ZNF705A: variants seen among roughly 807,000 people sequenced by gnomAD.
ZNF705A encodes the protein zinc finger protein 705A.
A neutral mutation model predicts 16.6 loss-of-function variants in ZNF705A; 8 were observed. That is an observed-to-expected ratio of 0.48 (90% CI 0.28 to 0.87). The LOEUF (loss-of-function observed/expected upper bound fraction) is 0.87. ZNF705A is among the 40% of genes least tolerant of loss of function. The pLI, the probability that ZNF705A is intolerant of heterozygous loss-of-function variation, is 0.10. For missense variants in ZNF705A, 233 were observed against 359.9 expected (o/e 0.65, Z 2.85); for synonymous variants, 73 against 117.3 (o/e 0.62, Z 2.44).
chr12:8,171,584 A>T (rs755048548), upstream of ZNF705A, among the ~76,000 whole-genome samples: 2 of 152,258 alleles, frequency 1.3e-5, no homozygotes, highest in East Asian at 3.9e-4. Context: ...TGAGCATCCT[A>T]GAGGATTGTG....
chr12:8,177,199 A>G (rs749331143), exon 5 of ZNF705A: 23 of 1,611,896 alleles, frequency 1.4e-5, no homozygotes, highest in Non-Finnish European at 1.6e-5. Flanking sequence ...AATCATATCA[A>G]TGTAATCTAT....
At chr12:8,178,694 A>G (rs965808971) in exon 5 of ZNF705A, 2 of 152,282 alleles carry the variant, frequency 1.3e-5, no homozygotes, top group African/African-American at 4.8e-5. Context: ...ATTATATAAG[A>G]AATCTCATTA....
intron 1 of ZNF705A, among the ~76,000 whole-genome samples, chr12:8,162,299 C>T (rs1442239090): frequency 1.3e-5 from 2 of 152,116 alleles, no homozygotes; most frequent in Non-Finnish European, 1.5e-5. Context: ...GTTGTTTGCA[C>T]TAAATCAAGT....
At chr12:8,166,215 G>A (rs1029001205) in intron 1 of ZNF705A, among the ~76,000 whole-genome samples, 2 of 152,174 alleles carry the variant, frequency 1.3e-5, no homozygotes, top group Non-Finnish European at 2.9e-5. Flanking sequence ...TTTTCCATCT[G>A]CATTGCTGTA....
upstream of ZNF705A, among the ~76,000 whole-genome samples, chr12:8,170,191 C>T (rs771038587): frequency 1.1e-4 from 13 of 123,620 alleles, no homozygotes; most frequent in East Asian, 8.3e-4. Flanking sequence ...CTCTCCCCCC[C>T]CCCCCAAAAA....
intron 1 of ZNF705A, among the ~76,000 whole-genome samples, chr12:8,157,719 A>G (rs1304660781): frequency 6.6e-6 from 1 of 152,206 alleles, no homozygotes; most frequent in African/African-American, 2.4e-5. Flanking sequence ...ACCACAAAAT[A>G]TATCCATTTA....
chr12:8,157,336 A>T (rs896364057), intron 1 of ZNF705A, among the ~76,000 whole-genome samples: 4 of 152,186 alleles, frequency 2.6e-5, no homozygotes, highest in African/African-American at 7.2e-5. Context: ...GTACTGAAAC[A>T]TGTGAATTGG....
chr12:8,168,275 C>A (rs1948416671), upstream of ZNF705A, among the ~76,000 whole-genome samples: 2 of 152,112 alleles, frequency 1.3e-5, no homozygotes, highest in African/African-American at 2.4e-5. Context: ...TTTAGAGAGG[C>A]AATGTGATAA....
At position 8,163,604 on chromosome 12, in the gene ZNF705A, T is replaced by C. The variant is rs185790462; in HGVS notation, c.-72+6512T>C. Among the ~76,000 whole-genome samples, 1,022 of 152,378 alleles carry C rather than the reference T, an allele frequency of 6.7e-3. 9 individuals are homozygous for C. Among genetic ancestry groups the C allele is most frequent in the African/African-American group, 0.022 (932 of 41,578 alleles). The stretch of plus-strand genomic sequence containing the variant: ...TACTCATAAAGGAGCATATGTTCTC[T>C]ATATGTATATAAAATTAATGTCTGA... On this transcript the variant is annotated intron_variant, in intron 1 of 5. Transcript: ENST00000396570.
At chr12:8,164,013 C>T (rs1224330113) in intron 1 of ZNF705A, among the ~76,000 whole-genome samples, 2 of 152,140 alleles carry the variant, frequency 1.3e-5, no homozygotes, top group African/African-American at 4.8e-5. Context: ...GAACACATCA[C>T]TACCATCAAG....
chr12:8,163,381 T>C (rs769586609), intron 1 of ZNF705A, among the ~76,000 whole-genome samples: 3 of 152,336 alleles, frequency 2.0e-5, no homozygotes, highest in Non-Finnish European at 2.9e-5. Flanking sequence ...CTACATCTAA[T>C]AAAACTCCCA....
At chr12:8,174,117 A>G (rs56284812) in intron 1 of ZNF705A, among the ~76,000 whole-genome samples, 8,498 of 152,212 alleles carry the variant, frequency 0.056, 621 homozygotes, top group African/African-American at 0.17. Flanking sequence ...ATATTTCTTT[A>G]TAGTAAAGTT....
At chr12:8,166,859 C>A (rs1948403512) in intron 1 of ZNF705A, among the ~76,000 whole-genome samples, 1 of 152,266 alleles carries the variant, frequency 6.6e-6, no homozygotes, top group South Asian at 2.1e-4. Flanking sequence ...CCCTCCTAGG[C>A]CTCCAGGCCT....
upstream of ZNF705A, among the ~76,000 whole-genome samples, chr12:8,170,196 C>CCA (rs1565415078): frequency 3.2e-5 from 4 of 126,526 alleles, no homozygotes; most frequent in African/African-American, 1.1e-4. Flanking sequence ...CCCCCCCCCC[C>CCA]AAAAAAAAAA....
intron 1 of ZNF705A, among the ~76,000 whole-genome samples, chr12:8,160,795 T>C (rs1393443141): frequency 1.3e-5 from 2 of 152,184 alleles, no homozygotes; most frequent in African/African-American, 2.4e-5. Context: ...ACTTCCTCTT[T>C]ACTGATTTGG....
exon 5 of ZNF705A, chr12:8,177,648 A>G: frequency 6.3e-7 from 1 of 1,594,202 alleles, no homozygotes; most frequent in Non-Finnish European, 8.5e-7. Context: ...GCCTTCAGTC[A>G]ATGTACTAGT....
At chr12:8,159,662 G>GTTC (rs143967134) in intron 1 of ZNF705A, among the ~76,000 whole-genome samples, 76,184 of 151,468 alleles carry the variant, frequency 0.5, 19,777 homozygotes, top group African/African-American at 0.63. Flanking sequence ...GGGATTGTTT[G>GTTC]TTTTCTTTTT....
chr12:8,172,056 G>A (rs11502587), upstream of ZNF705A, among the ~76,000 whole-genome samples: 3,138 of 152,100 alleles, frequency 0.021, 123 homozygotes, highest in African/African-American at 0.073. Context: ...ATTCTTACTT[G>A]ATTATTTCCA....
At chr12:8,178,182 G>A (rs2120737258) in exon 5 of ZNF705A, 1 of 156,060 alleles carries the variant, frequency 6.4e-6, no homozygotes, top group South Asian at 1.9e-4. Context: ...CAGGCTTGAT[G>A]TTCACAAGAA....
Sources: gnomAD v4.1 joint callset for allele counts (sites outside exome capture counted in the v4.1 genomes callset) on GRCh38, gnomAD v4.1.1 for gene constraint, MANE v1.5 for transcripts, NCBI Gene and HGNC (gene_info 2026-07-23, HGNC 2026-07-21) for gene names.